Variants in USH2A observed in about 807,000 individuals in gnomAD.
USH2A encodes usherin.
A neutral mutation model predicts 538.9 loss-of-function variants in USH2A; 443 were observed. The ratio of observed to expected loss-of-function variants is 0.82; its 90% CI spans 0.76 to 0.89. USH2A has a LOEUF of 0.89. Among genes scored for constraint, USH2A ranks in the 40% least tolerant of loss-of-function variants. The probability of loss-of-function intolerance (pLI) is 0.00; values close to 1 mark genes in which losing one functional copy is unlikely to be tolerated. For missense variants in USH2A, 6,633 were observed against 6,324.8 expected, an observed-to-expected ratio of 1.05 and a Z score of -1.65; for synonymous variants, 2,413 against 2,273.5, an observed-to-expected ratio of 1.06 and a Z score of -1.75.
intron 4 of USH2A, among the ~76,000 whole-genome samples, chr1:216,332,675 G>A (rs2037892522): frequency 6.6e-6 from 1 of 152,086 alleles, no homozygotes; most frequent in African/African-American, 2.4e-5. Context: ...AAATGTATTG[G>A]TTCTAGGCAT....
chr1:215,782,684 T>A, intron 53 of USH2A, 54 bp downstream of exon 53: 1 of 1,583,350 alleles, frequency 6.3e-7, no homozygotes, highest in Non-Finnish European at 8.7e-7. Flanking sequence ...TCATTTCAAT[T>A]TTCTTATGAA....
intron 11 of USH2A, among the ~76,000 whole-genome samples, chr1:216,253,436 G>T (rs913741680): frequency 6.6e-6 from 1 of 152,058 alleles, no homozygotes; most frequent in Non-Finnish European, 1.5e-5. Flanking sequence ...AAATTGCTGG[G>T]ATTACAGACC....
chr1:216,001,991 A>G (rs1489440926), intron 32 of USH2A, among the ~76,000 whole-genome samples: 6 of 152,188 alleles, frequency 3.9e-5, no homozygotes. Flanking sequence ...GGGCACTCCC[A>G]TTCAATGTAG....
intron 46 of USH2A, among the ~76,000 whole-genome samples, chr1:215,842,881 A>G (rs531216213): frequency 2.0e-5 from 3 of 152,134 alleles, no homozygotes; most frequent in Non-Finnish European, 4.4e-5. Flanking sequence ...TACCTGGTAG[A>G]TGGGTTGTTA....
intron 3 of USH2A, among the ~76,000 whole-genome samples, chr1:216,376,564 G>A (rs571801772): frequency 1.1e-3 from 174 of 152,184 alleles, no homozygotes; most frequent in Non-Finnish European, 2.0e-3. Flanking sequence ...TCCTCAAAAT[G>A]TTTATAGTTT....
chr1:215,973,535 C>A (rs755840918), intron 35 of USH2A, among the ~76,000 whole-genome samples: 2 of 152,190 alleles, frequency 1.3e-5, no homozygotes, highest in African/African-American at 4.8e-5. Flanking sequence ...AGGGTTCTTA[C>A]CCAGCTTTTA....
At chr1:216,153,832 G>A (rs1377589881) in intron 21 of USH2A, among the ~76,000 whole-genome samples, 1 of 152,202 alleles carries the variant, frequency 6.6e-6, no homozygotes, top group Non-Finnish European at 1.5e-5. Context: ...GGAGAGAACA[G>A]CATCAGATGT....
Position 216,137,193 on chromosome 1 carries a change from G to A in USH2A, c.4627+38059C>T, listed in dbSNP as rs112094382. ...AACCCTTTGGTGGCATGCAAAGTAC[G>A]TTCCTTTGAACTGATAAATTATGAC... On this transcript the variant is annotated intron_variant, in intron 21 of 71. Transcript: ENST00000307340. Among the ~76,000 whole-genome samples the A allele has an allele frequency of 2.6e-5, 4 of 152,244 alleles. No individual in the cohort carries two copies. In the South Asian group the frequency reaches 6.2e-4, roughly 24 times the overall value.
At chr1:216,122,080 G>A (rs1028756420) in intron 21 of USH2A, among the ~76,000 whole-genome samples, 6 of 152,156 alleles carry the variant, frequency 3.9e-5, no homozygotes, top group African/African-American at 1.4e-4. Context: ...TCACAAGAAT[G>A]ACACCATAAT....
At chr1:215,807,876 C>A (rs144935033) in intron 49 of USH2A, among the ~76,000 whole-genome samples, 1,722 of 152,156 alleles carry the variant, frequency 0.011, 36 homozygotes, top group African/African-American at 0.039. Context: ...TCCTCAATTA[C>A]TAAACATTTT....
chr1:216,330,612 G>C (rs959032044), intron 4 of USH2A, among the ~76,000 whole-genome samples: 4 of 151,986 alleles, frequency 2.6e-5, no homozygotes, highest in African/African-American at 9.7e-5. Flanking sequence ...GTAGCTGGCT[G>C]GGGGAGAGGG....
At chr1:216,103,636 T>G (rs1275826610) in intron 21 of USH2A, among the ~76,000 whole-genome samples, 1 of 152,282 alleles carries the variant, frequency 6.6e-6, no homozygotes, top group African/African-American at 2.4e-5. Flanking sequence ...ATAGATTTTT[T>G]TAATCTTTTA....
intron 71 of USH2A, among the ~76,000 whole-genome samples, chr1:215,626,523 A>T (rs1269180803): frequency 6.6e-6 from 1 of 151,906 alleles, no homozygotes; most frequent in Admixed American, 6.6e-5. Context: ...TGTATTTTGT[A>T]TTTATCAAAT....
Position 216,208,353 on chromosome 1 carries a change from G to A in USH2A, c.3158-922C>T, listed in dbSNP as rs577063180. Among the ~76,000 whole-genome samples the A allele has an allele frequency of 2.6e-5, 4 of 151,954 alleles. 1 individual carries two copies. Among genetic ancestry groups the A allele is most frequent in the Non-Finnish European group, 4.4e-5 (3 of 67,964 alleles). ...CATTCTCCTTAAATAAGATGTCAAG[G>A]GTACAGGTTGCTGTGTTACCTTACT... is the stretch of plus-strand genomic sequence containing the variant. On this transcript the variant is annotated intron_variant, in intron 15 of 71. Transcript: ENST00000307340.
intron 30 of USH2A, among the ~76,000 whole-genome samples, chr1:216,067,925 A>T (rs1332911223): frequency 1.3e-5 from 2 of 152,302 alleles, no homozygotes; most frequent in Middle Eastern, 3.4e-3. Context: ...CCAGAAAAAA[A>T]TGAAAGAGAA....
chr1:215,973,766 G>T (rs1343737167), intron 35 of USH2A, among the ~76,000 whole-genome samples: 1 of 151,278 alleles, frequency 6.6e-6, no homozygotes, highest in African/African-American at 2.4e-5. Flanking sequence ...AGGAAGAGCA[G>T]ACAGTTATTG....
rs1256528360 is a variant in USH2A at position 215,879,050 on chromosome 1, C to T, written c.8272G>A (p.Glu2758Lys). Residue 2758 changes from glutamate to lysine, a missense_variant, in exon 42 of 72, where the codon GAG becomes AAG. Glu to Lys is a moderately conservative substitution (Grantham distance 56, BLOSUM62 1). Coordinates refer to ENST00000307340, the MANE Select transcript of USH2A (RefSeq NM_206933.4). Reference protein sequence around the residue: ...LIQNGDILSYEIHMPDPHITL... With the variant: ...LIQNGDILSYKIHMPDPHITL... The stretch of plus-strand genomic sequence containing the variant: ...ATGTGAGGGTCAGGCATGTGAATCT[C>T]ATAGCTAAGTATGTCTCCGTTCTGG... 3 of 1,614,036 alleles carry T rather than the reference C, an allele frequency of 1.9e-6. No individual in the cohort carries two copies. The highest frequency in any genetic ancestry group is 2.5e-6 in the Non-Finnish European group (3 of 1,179,970).
intron 3 of USH2A, among the ~76,000 whole-genome samples, chr1:216,379,800 A>G (rs1174252500): frequency 6.6e-6 from 1 of 152,226 alleles, no homozygotes; most frequent in African/African-American, 2.4e-5. Flanking sequence ...ATCCAATCAA[A>G]CAAATTACAT....
chr1:216,370,699 A>AAAAAAAAAAAAAAAAAAC (rs2038696721), intron 3 of USH2A, among the ~76,000 whole-genome samples: 1 of 150,360 alleles, frequency 6.7e-6, no homozygotes, highest in Non-Finnish European at 1.5e-5. Flanking sequence ...AAAAAAAAAA[A>AAAAAAAAAAAAAAAAAAC]AAATACTCAA....
Sources: allele counts gnomAD v4.1 joint callset (sites outside exome capture counted in the v4.1 genomes callset), GRCh38; gene constraint gnomAD v4.1.1; transcripts MANE v1.5; gene names NCBI Gene and HGNC (gene_info 2026-07-23, HGNC 2026-07-21).